Variants in CKAP5 observed in about 807,000 individuals in gnomAD.
CKAP5 encodes cytoskeleton-associated protein 5.
In CKAP5, 27 loss-of-function variants were observed where a neutral mutation model predicts 232.8. The observed-to-expected ratio is 0.12, with a 90% CI of 0.09 to 0.16. CKAP5 has a LOEUF of 0.16. CKAP5 is among the 10% of genes least tolerant of loss of function. The probability of loss-of-function intolerance (pLI) is 1.00; values close to 1 mark genes in which losing one functional copy is unlikely to be tolerated. For missense variants in CKAP5, 1,838 were observed against 2,424.7 expected, an observed-to-expected ratio of 0.76 and a Z score of 5.08; for synonymous variants, 785 against 841.1, an observed-to-expected ratio of 0.93 and a Z score of 1.16.
chr11:46,762,561 T>C, intron 31 of CKAP5, 66 bp downstream of exon 31: 1 of 1,577,424 alleles, frequency 6.3e-7, no homozygotes. Flanking sequence ...TGTTCATCTA[T>C]AAACTATTTC....
rs145015756 is a variant in CKAP5, at chr11:46,745,987, C to A, written c.5705-1410G>T. On this transcript the variant is annotated intron_variant, in intron 42 of 43. Transcript: ENST00000529230. The stretch of plus-strand genomic sequence containing the variant: ...CAAAAAATAAAAACACTTGTAAAGT[C>A]TTGGAAAGGCGTAATTTAAGGTGTC... Among the ~76,000 whole-genome samples the A allele has an allele frequency of 1.7e-3, 262 of 152,152 alleles. 1 individual carries two copies. The highest frequency in any genetic ancestry group is 6.1e-3 in the African/African-American group (252 of 41,526).
At chr11:46,796,994 C>T (rs888944226) in intron 11 of CKAP5, 54 bp from the exon 12 acceptor site, 4 of 1,590,994 alleles carry the variant, frequency 2.5e-6, no homozygotes, top group Non-Finnish European at 2.6e-6. Context: ...TTAGGCATTA[C>T]TCATTTTAAT....
chr11:46,844,736 G>A (rs186672693), intron 1 of CKAP5, among the ~76,000 whole-genome samples: 1 of 152,190 alleles, frequency 6.6e-6, no homozygotes, highest in African/African-American at 2.4e-5. Context: ...CTGTCTCCCG[G>A]GTTCAAATGA....
At chr11:46,775,758 T>C (rs1338833927) in intron 24 of CKAP5, among the ~76,000 whole-genome samples, 1 of 150,040 alleles carries the variant, frequency 6.7e-6, no homozygotes, top group Admixed American at 6.7e-5. Context: ...CACTTGTAAG[T>C]GGGAGTTGAA....
chr11:46,747,402 G>C (rs1257640979), intron 42 of CKAP5, among the ~76,000 whole-genome samples: 1 of 151,900 alleles, frequency 6.6e-6, no homozygotes, highest in East Asian at 1.9e-4. Context: ...AGGAGTTGGA[G>C]ACCAGCCTGG....
chr11:46,817,036 G>T (rs1307810279), intron 3 of CKAP5, among the ~76,000 whole-genome samples: 1 of 151,770 alleles, frequency 6.6e-6, no homozygotes, highest in African/African-American at 2.4e-5. Context: ...AACCTGGGAG[G>T]TGGAGGTTGT....
chr11:46,825,167 A>G (rs1373293981), intron 1 of CKAP5, among the ~76,000 whole-genome samples: 3 of 152,216 alleles, frequency 2.0e-5, no homozygotes, highest in Non-Finnish European at 4.4e-5. Context: ...AAGGTTATAC[A>G]TGAAGGCAGA....
At chr11:46,760,561 C>A in intron 33 of CKAP5, 51 bp downstream of exon 33, 2 of 1,577,206 alleles carry the variant, frequency 1.3e-6, no homozygotes, top group Non-Finnish European at 8.7e-7. Flanking sequence ...TGTGAGCACA[C>A]AAGGCAAAGG....
At chr11:46,845,331 A>C (rs996629949) in intron 1 of CKAP5, among the ~76,000 whole-genome samples, 1 of 152,214 alleles carries the variant, frequency 6.6e-6, no homozygotes, top group African/African-American at 2.4e-5. Flanking sequence ...ATTTGGGGCA[A>C]GTTCTGCAAA....
chr11:46,789,699 G>A (rs1056996404), intron 15 of CKAP5, among the ~76,000 whole-genome samples: 2 of 152,146 alleles, frequency 1.3e-5, no homozygotes, highest in African/African-American at 4.8e-5. Flanking sequence ...AGGAGGCTGA[G>A]GCAGGAGAAT....
At chr11:46,767,479 C>A (rs958057004) in intron 27 of CKAP5, 96 bp downstream of exon 27, 2 of 723,760 alleles carry the variant, frequency 2.8e-6, no homozygotes, top group Admixed American at 2.4e-5. Context: ...CAGTGATGTT[C>A]TTTTATATAT....
chr11:46,751,444 C>A lies in CKAP5; in HGVS notation c.5224G>T (p.Val1742Phe). The A allele has an allele frequency of 6.2e-7, 1 of 1,614,028 alleles. No individual in the cohort carries two copies. Among genetic ancestry groups the A allele is most frequent in the Non-Finnish European group, 8.5e-7 (1 of 1,179,968 alleles). Residue 1742 changes from valine to phenylalanine, a missense_variant, in exon 39 of 44, where the codon GTC becomes TTC. Transcript: ENST00000529230. Reference sequence around the variant, plus strand: ...TGCTTCAGTTTCTCTTTGGGGAAGACCTTCATGAAAATGTGGATATCCAGA... The same window carrying A: ...TGCTTCAGTTTCTCTTTGGGGAAGAACTTCATGAAAATGTGGATATCCAGA... ...ILLDIHIFMK[V>F]FPKEKLKQCK...
At position 46,832,956 on chromosome 11, in the gene CKAP5, C is replaced by CA. The variant is rs76481067; in HGVS notation, c.-37-11689dup. Among the ~76,000 whole-genome samples the CA allele has an allele frequency of 6.9e-3, 982 of 142,812 alleles. 6 individuals are homozygous for CA. The highest frequency in any genetic ancestry group is 9.2e-3 in the Non-Finnish European group (597 of 65,188). The allele number at this position is 142,812 out of a possible 152,430, so 93.7% of individuals were successfully genotyped here. A position where few individuals can be genotyped will look rare whatever the true frequency, so the allele number is the denominator to read the frequency against. On this transcript the variant is annotated intron_variant, in intron 1 of 43. Transcript: ENST00000529230. ...TGGGTGACACAGCAAGAGTTTATCT[C>CA]AAAAAAAAAAAAATTTTTTTTCCCA...
chr11:46,752,910 G>T (rs1454650138), intron 37 of CKAP5, among the ~76,000 whole-genome samples, 200 bp from the exon 38 acceptor site: 1 of 152,216 alleles, frequency 6.6e-6, no homozygotes, highest in Admixed American at 6.5e-5. Flanking sequence ...CTTGGTAAGT[G>T]TAAGGTTTGT....
In CKAP5 at chr11:46,780,226, G is replaced by C; in HGVS notation, c.2401C>G (p.Leu801Val). 1 of 1,613,992 alleles carries C rather than the reference G, an allele frequency of 6.2e-7. No individual in the cohort carries two copies. The highest frequency in any genetic ancestry group is 8.5e-7 in the Non-Finnish European group (1 of 1,179,922). ...AATTCTGCATCTATCTGGGATAGGA[G>C]GGCAGGCTTCTCATCCTCAAAGAAC... The part of the protein sequence containing the change: ...RMFFEDEKPA[L>V]LSQIDAEFEK... Residue 801 changes from leucine (L) to valine (V), a missense_variant, in exon 20 of 44, where the codon CTC (leucine) becomes GTC (valine). By Grantham distance (32) the Leu-to-Val change is conservative. Coordinates refer to ENST00000529230, the MANE Select transcript of CKAP5 (RefSeq NM_001008938.4).
chr11:46,818,898 A>G (rs1272316321), intron 2 of CKAP5, among the ~76,000 whole-genome samples: 2 of 152,138 alleles, frequency 1.3e-5, no homozygotes, highest in African/African-American at 2.4e-5. Flanking sequence ...TTGTATAATC[A>G]TTAGGTAGCT....
At chr11:46,766,209 A>C (rs1196633378) in intron 27 of CKAP5, among the ~76,000 whole-genome samples, 1 of 152,238 alleles carries the variant, frequency 6.6e-6, no homozygotes, top group African/African-American at 2.4e-5. Context: ...TTCTAGTATA[A>C]ACACTAATGT....
chr11:46,841,888 C>G (rs1940062021), intron 1 of CKAP5, among the ~76,000 whole-genome samples: 1 of 150,818 alleles, frequency 6.6e-6, no homozygotes, highest in South Asian at 2.1e-4. Context: ...ATCCCAGCTA[C>G]TCAGGAGGCT....
At chr11:46,754,488 TTTTAG>T (rs1268601544) in intron 36 of CKAP5, among the ~76,000 whole-genome samples, 2 of 152,214 alleles carry the variant, frequency 1.3e-5, no homozygotes, top group African/African-American at 4.8e-5. Flanking sequence ...TCCCTTTTAT[TTTTAG>T]TTGACATGTA....
Sources: allele counts gnomAD v4.1 joint callset (sites outside exome capture counted in the v4.1 genomes callset), GRCh38; gene constraint gnomAD v4.1.1; transcripts MANE v1.5; gene names NCBI Gene and HGNC (gene_info 2026-07-23, HGNC 2026-07-21).